ATP13A5: variants seen among roughly 807,000 people sequenced by gnomAD.
The protein encoded by ATP13A5 is ATPase 13A5.
Under a neutral mutation model 150.2 loss-of-function variants are expected in ATP13A5, and 149 were observed. That is an observed-to-expected ratio of 0.99 (90% confidence interval 0.87 to 1.14). The LOEUF is 1.14. Among genes scored for constraint, ATP13A5 ranks in the 50% most tolerant of loss-of-function variants. The probability of loss-of-function intolerance (pLI) is 0.00; values close to 1 mark genes in which losing one functional copy is unlikely to be tolerated. For missense variants in ATP13A5, 1,383 were observed against 1,449.3 expected, an observed-to-expected ratio of 0.95 and a Z score of 0.74; for synonymous variants, 497 against 522.2, an observed-to-expected ratio of 0.95 and a Z score of 0.66.
rs1472091765 is a variant in ATP13A5, at chr3:193,362,425, A to G, written c.492T>C (p.His164=). The change falls in exon 5 of 30, where the codon CAT becomes CAC. Residue 164 remains histidine, a synonymous_variant. Transcript: ENST00000342358. Reference sequence around the variant, plus strand: ...TGGTCAGACCCAATCCAAATGTCTGATGGATGTCAGAGCAGGAATTGCTGT... The same window carrying G: ...TGGTCAGACCCAATCCAAATGTCTGGTGGATGTCAGAGCAGGAATTGCTGT... ...LEDSNSCSDI[H]QTFGLGLTSE... is the part of the protein sequence containing the mutation. The G allele has an allele frequency of 6.2e-7, 1 of 1,614,122 alleles. No individual in the cohort carries two copies. The highest frequency in any genetic ancestry group is 8.5e-7 in the Non-Finnish European group (1 of 1,179,976).
At chr3:193,296,005 A>G (rs1485905541) in intron 25 of ATP13A5, among the ~76,000 whole-genome samples, 4 of 152,094 alleles carry the variant, frequency 2.6e-5, no homozygotes, top group African/African-American at 4.8e-5. Context: ...GTAATAGCAG[A>G]GGGAAAGGGC....
chr3:193,293,717 C>G (rs1718056291), intron 25 of ATP13A5, among the ~76,000 whole-genome samples: 3 of 151,988 alleles, frequency 2.0e-5, no homozygotes, highest in African/African-American at 7.3e-5. Context: ...TTCATGAACC[C>G]ACCTAAACTA....
At chr3:193,339,456 C>T (rs961205399) in intron 9 of ATP13A5, among the ~76,000 whole-genome samples, 5 of 152,028 alleles carry the variant, frequency 3.3e-5, no homozygotes, top group Admixed American at 6.6e-5. Flanking sequence ...TTTTCAAATG[C>T]GCAGATGAAT....
At chr3:193,303,596 A>C (rs1421005132) in intron 23 of ATP13A5, among the ~76,000 whole-genome samples, 1 of 152,104 alleles carries the variant, frequency 6.6e-6, no homozygotes, top group African/African-American at 2.4e-5. Context: ...CTTTAAAAAA[A>C]TTCAGTCTTA....
chr3:193,349,814 TC>T (rs1455145037), intron 7 of ATP13A5, among the ~76,000 whole-genome samples: 2 of 152,140 alleles, frequency 1.3e-5, no homozygotes, highest in Non-Finnish European at 2.9e-5. Flanking sequence ...AAAAATTCTT[TC>T]ATTTGTGGAA....
chr3:193,302,921 C>T (rs948706000), intron 23 of ATP13A5, among the ~76,000 whole-genome samples: 9 of 152,126 alleles, frequency 5.9e-5, no homozygotes, highest in South Asian at 2.1e-4. Flanking sequence ...TCTACCCTAG[C>T]GTCTTACTGA....
chr3:193,305,127 G>T (rs919606669), intron 23 of ATP13A5, among the ~76,000 whole-genome samples: 1 of 152,266 alleles, frequency 6.6e-6, no homozygotes, highest in Admixed American at 6.5e-5. Context: ...TTATGTAAAA[G>T]ATATTGGATA....
At chr3:193,307,288 AG>A (rs1560124539) in intron 22 of ATP13A5, 38 bp downstream of exon 22, 2 of 1,613,344 alleles carry the variant, frequency 1.2e-6, no homozygotes, top group South Asian at 2.2e-5. Flanking sequence ...GAGGGATATT[AG>A]TGAGTGGCTT....
chr3:193,290,152 GGGA>G, intron 25 of ATP13A5, 93 bp from the exon 26 acceptor site: 1 of 1,289,212 alleles, frequency 7.8e-7, no homozygotes, highest in Non-Finnish European at 1.1e-6. Flanking sequence ...GTCTGGCATT[GGGA>G]TTCAGACTAA....
In ATP13A5 at chr3:193,334,970, G is replaced by A. The variant is rs1711794598; in HGVS notation, c.1073C>T (p.Pro358Leu). The A allele has an allele frequency of 6.2e-7, 1 of 1,613,858 alleles. No individual in the cohort carries two copies. Among genetic ancestry groups the A allele is most frequent in the Non-Finnish European group, 8.5e-7 (1 of 1,179,808 alleles). ...FCGTEVIQVK[P>L]SGQGPVRAVV... The stretch of plus-strand genomic sequence containing the variant: ...TGCTCGTACAGGCCCCTGCCCAGAG[G>A]GCTTGACCTGGATAACTTCTGTTCC... The change falls in exon 10 of 30, where the codon CCC becomes CTC. Residue 358 changes from proline to leucine, a missense_variant. Transcript: ENST00000342358.
chr3:193,321,876 T>G, intron 15 of ATP13A5, 39 bp from the exon 16 acceptor site: 1 of 1,601,810 alleles, frequency 6.2e-7, no homozygotes, highest in Non-Finnish European at 8.5e-7. Flanking sequence ...AACAAGCTGC[T>G]AAGTGATATT....
intron 27 of ATP13A5, among the ~76,000 whole-genome samples, chr3:193,280,784 G>T (rs1717454431): frequency 6.6e-6 from 1 of 152,116 alleles, no homozygotes; most frequent in Non-Finnish European, 1.5e-5. Flanking sequence ...GCATTGCCAT[G>T]ATACAAATGA....
chr3:193,354,940 C>CTATTTTTTTTCTTTT (rs1553821417), intron 5 of ATP13A5, among the ~76,000 whole-genome samples: 1 of 127,916 alleles, frequency 7.8e-6, no homozygotes, highest in African/African-American at 3.0e-5. Flanking sequence ...AACAATGTAA[C>CTATTTTTTTTCTTTT]TTTTTTTTTG....
chr3:193,290,971 GGTTT>G (rs1717927977), intron 25 of ATP13A5, among the ~76,000 whole-genome samples: 1 of 152,064 alleles, frequency 6.6e-6, no homozygotes, highest in African/African-American at 2.4e-5. Flanking sequence ...GCTTATCACT[GGTTT>G]GTTTGATGTA....
intron 25 of ATP13A5, among the ~76,000 whole-genome samples, chr3:193,292,900 T>A (rs1306250108): frequency 6.6e-6 from 1 of 152,132 alleles, no homozygotes; most frequent in Non-Finnish European, 1.5e-5. Flanking sequence ...TCTTACTACT[T>A]CTGACAGAGA....
At position 193,351,175 on chromosome 3, in the gene ATP13A5, T is replaced by G. The variant is rs1448825181; in HGVS notation, c.633A>C (p.Gln211His). The G allele has an allele frequency of 6.2e-7, 1 of 1,613,786 alleles. No homozygotes were observed. The highest frequency in any genetic ancestry group is 1.3e-5 in the African/African-American group (1 of 75,032). ...ACAGCCACAAAGTTAGGGTGAAGGC[T>G]TGGAACACATAGAATGGATTTAAAA... ...KQVLNPFYVF[Q>H]AFTLTLWLSQ... Residue 211 changes from glutamine (Q) to histidine (H), a missense_variant, in exon 7 of 30, where the codon CAA becomes CAC. Around this residue, in one of 3 missense-constraint regions of ATP13A5, gnomAD observed 787 missense variants for 771.9 expected, o/e 1.02. Transcript: ENST00000342358.
chr3:193,275,085 A>AC lies in ATP13A5; in HGVS notation c.3613_3614insG (p.Leu1205CysfsTer33). On this transcript the variant is annotated frameshift_variant, in exon 30 of 30. Coordinates refer to ENST00000342358, the MANE Select transcript of ATP13A5 (RefSeq NM_198505.4). LOFTEE classifies it high-confidence loss of function. ...ATGCTGTTCTGTGGGTTGGCCTCCC[A>AC]ATTTGAGTTTTCTTTTTGGAATCTG... 1 of 1,614,050 alleles carries AC rather than the reference A, an allele frequency of 6.2e-7. No individual in the cohort carries two copies. The highest frequency in any genetic ancestry group is 8.5e-7 in the Non-Finnish European group (1 of 1,180,002).
intron 7 of ATP13A5, among the ~76,000 whole-genome samples, chr3:193,347,552 G>A (rs2108887952): frequency 2.9e-5 from 4 of 139,762 alleles, no homozygotes. Context: ...AACTCGTTTA[G>A]ATAATGCCAA....
At position 193,314,105 on chromosome 3, in the gene ATP13A5, T is replaced by A. The variant is rs752449899; in HGVS notation, c.2247A>T (p.Glu749Asp). The A allele has an allele frequency of 2.5e-6, 4 of 1,613,812 alleles. No individual in the cohort carries two copies. The highest frequency in any genetic ancestry group is 1.3e-5 in the African/African-American group (1 of 74,910). The change falls in exon 19 of 30, where the codon GAA (glutamate) becomes GAT (aspartate). Residue 749 changes from glutamate to aspartate, a missense_variant. Glu to Asp is a conservative substitution (Grantham distance 45). Coordinates refer to ENST00000342358, the MANE Select transcript of ATP13A5 (RefSeq NM_198505.4). Reference sequence around the variant, plus strand: ...CAGAGGCAGGAACAAATTCTTCTGGTTCATCGGCCTCAACAATGATCACTT... The same window carrying A: ...CAGAGGCAGGAACAAATTCTTCTGGATCATCGGCCTCAACAATGATCACTT... Reference protein sequence around the residue: ...GSQVIIVEADEPEEFVPASVT... With the variant: ...GSQVIIVEADDPEEFVPASVT...
Sources: allele counts gnomAD v4.1 joint callset (sites outside exome capture counted in the v4.1 genomes callset), GRCh38; gene constraint gnomAD v4.1.1; regional missense constraint gnomAD v4.1.1; transcripts MANE v1.5; gene names NCBI Gene and HGNC (gene_info 2026-07-23, HGNC 2026-07-21).